SEMA3E: variants seen among roughly 807,000 people sequenced by gnomAD.
SEMA3E encodes the protein semaphorin-3E.
A neutral mutation model predicts 93.6 loss-of-function variants in SEMA3E; 49 were observed. The observed-to-expected ratio is 0.52, with a 90% CI of 0.42 to 0.66. SEMA3E has a LOEUF of 0.66. Among genes scored for constraint, SEMA3E ranks in the 30% least tolerant of loss-of-function variants. The pLI is 0.00. For synonymous variants in SEMA3E, 363 were observed against 330.7 expected (o/e 1.10, Z -1.06); for missense variants, 906 against 964.8 (o/e 0.94, Z 0.81).
At chr7:83,607,734 A>G (rs1793157963) in intron 1 of SEMA3E, among the ~76,000 whole-genome samples, 1 of 152,184 alleles carries the variant, frequency 6.6e-6, no homozygotes, top group Non-Finnish European at 1.5e-5. Context: ...AAGGAAGACA[A>G]AAGAATGAAT....
intron 5 of SEMA3E, among the ~76,000 whole-genome samples, chr7:83,412,872 T>C (rs1028269352): frequency 6.6e-5 from 10 of 151,932 alleles, no homozygotes; most frequent in Non-Finnish European, 1.2e-4. Context: ...GGATAACAAA[T>C]TTGAATTTTT....
At chr7:83,625,396 T>G (rs1246261278) in intron 1 of SEMA3E, among the ~76,000 whole-genome samples, 2 of 152,168 alleles carry the variant, frequency 1.3e-5, no homozygotes, top group Non-Finnish European at 1.5e-5. Flanking sequence ...CTCTCTTATT[T>G]CCTTGAGCAG....
Position 83,364,096 on chromosome 7 carries a change from T to A in SEMA3E, c.*3490A>T, listed in dbSNP as rs536059200. Reference sequence around the variant, plus strand: ...TTTTTAGTAGAGACGGGGTTTCACCTTGTTAGCCAGGATGGTCTCGATCTC... The same window carrying A: ...TTTTTAGTAGAGACGGGGTTTCACCATGTTAGCCAGGATGGTCTCGATCTC... On this transcript the variant is annotated 3_prime_UTR_variant, in exon 17 of 17. Coordinates refer to ENST00000643230, the MANE Select transcript of SEMA3E (RefSeq NM_012431.3). The A allele has an allele frequency of 6.6e-6, 1 of 150,416 alleles. No individual in the cohort carries two copies. Among genetic ancestry groups the A allele is most frequent in the Non-Finnish European group, 1.5e-5 (1 of 67,580 alleles). 9.3% of individuals were successfully genotyped at this position (150,416 alleles called of 1,614,324 possible). A position where few individuals can be genotyped will look rare whatever the true frequency, so the allele number is the denominator to read the frequency against.
chr7:83,512,245 G>T (rs1790840060), intron 1 of SEMA3E, among the ~76,000 whole-genome samples: 1 of 152,074 alleles, frequency 6.6e-6, no homozygotes, highest in African/African-American at 2.4e-5. Context: ...GTACCCCCTT[G>T]AAATTTTATG....
intron 1 of SEMA3E, among the ~76,000 whole-genome samples, chr7:83,558,792 T>C (rs1161443694): frequency 1.3e-5 from 2 of 152,188 alleles, no homozygotes; most frequent in South Asian, 2.1e-4. Flanking sequence ...GAATAACTAA[T>C]AGTGTGTCAT....
chr7:83,394,056 G>C (rs573358221), intron 13 of SEMA3E, among the ~76,000 whole-genome samples: 1 of 151,990 alleles, frequency 6.6e-6, no homozygotes, highest in Admixed American at 6.6e-5. Context: ...AAGGTTTAGA[G>C]GTCTGCAGTA....
intron 1 of SEMA3E, among the ~76,000 whole-genome samples, chr7:83,599,477 A>T (rs10246409): frequency 2.6e-5 from 4 of 152,138 alleles, no homozygotes; most frequent in African/African-American, 9.7e-5. Flanking sequence ...TTTTGCTCCA[A>T]AGTTGACTTG....
intron 1 of SEMA3E, among the ~76,000 whole-genome samples, chr7:83,506,787 G>A (rs1393950248): frequency 4.6e-5 from 7 of 152,128 alleles, no homozygotes; most frequent in Non-Finnish European, 1.5e-5. Flanking sequence ...CTGAGAACAA[G>A]AGAATGGATG....
chr7:83,488,589 A>C (rs73174562), intron 2 of SEMA3E, among the ~76,000 whole-genome samples: 4,397 of 152,252 alleles, frequency 0.029, 91 homozygotes, highest in African/African-American at 0.06. Flanking sequence ...AGTTGGAATA[A>C]TACAATTTTC....
At chr7:83,483,072 TG>T (rs1790181754) in intron 2 of SEMA3E, among the ~76,000 whole-genome samples, 1 of 151,122 alleles carries the variant, frequency 6.6e-6, no homozygotes, top group African/African-American at 2.4e-5. Flanking sequence ...AGGAGTTAAC[TG>T]GGGCCTGAAA....
intron 4 of SEMA3E, among the ~76,000 whole-genome samples, chr7:83,456,011 CTG>C (rs578171693): frequency 2.0e-5 from 3 of 152,218 alleles, no homozygotes; most frequent in Non-Finnish European, 4.4e-5. Flanking sequence ...CCCACAGAAA[CTG>C]TGAGATAATA....
At chr7:83,523,030 C>A (rs970778844) in intron 1 of SEMA3E, among the ~76,000 whole-genome samples, 1 of 152,026 alleles carries the variant, frequency 6.6e-6, no homozygotes, top group African/African-American at 2.4e-5. Context: ...ACAGCACAGG[C>A]TAATGGCAAC....
chr7:83,392,773 A>G (rs1788043833), intron 13 of SEMA3E, 52 bp from the exon 14 acceptor site: 2 of 1,516,592 alleles, frequency 1.3e-6, no homozygotes, highest in African/African-American at 2.7e-5. Flanking sequence ...ACTTTCACTG[A>G]GCTATTACAC....
At chr7:83,518,976 T>G (rs538859075) in intron 1 of SEMA3E, among the ~76,000 whole-genome samples, 138 of 152,188 alleles carry the variant, frequency 9.1e-4, no homozygotes, top group African/African-American at 3.2e-3. Flanking sequence ...TCTTTTTATT[T>G]TATTATTATT....
intron 16 of SEMA3E, among the ~76,000 whole-genome samples, chr7:83,383,051 G>T (rs1376988530): frequency 6.6e-6 from 1 of 151,844 alleles, no homozygotes; most frequent in Admixed American, 6.6e-5. Flanking sequence ...TTAAATAAAA[G>T]GAAGATGTAT....
intron 1 of SEMA3E, among the ~76,000 whole-genome samples, chr7:83,638,770 T>C (rs1336433805): frequency 6.6e-6 from 1 of 152,044 alleles, no homozygotes; most frequent in African/African-American, 2.4e-5. Context: ...AGCCCAGTGT[T>C]TCTCATAGCT....
intron 2 of SEMA3E, among the ~76,000 whole-genome samples, chr7:83,481,008 G>A (rs1383355677): frequency 1.3e-5 from 2 of 152,074 alleles, no homozygotes. Flanking sequence ...AATAGTAAGT[G>A]AAAGAAAACT....
chr7:83,595,369 A>T (rs950894780), intron 1 of SEMA3E, among the ~76,000 whole-genome samples: 4 of 152,096 alleles, frequency 2.6e-5, no homozygotes, highest in Non-Finnish European at 5.9e-5. Flanking sequence ...AGATTTGCAG[A>T]AACAGTACAG....
intron 1 of SEMA3E, among the ~76,000 whole-genome samples, chr7:83,535,563 A>C (rs1259634362): frequency 1.3e-5 from 2 of 152,170 alleles, no homozygotes; most frequent in Non-Finnish European, 2.9e-5. Flanking sequence ...ACAGCATTAA[A>C]GAACCTATCA....
Sources: allele counts gnomAD v4.1 joint callset (sites outside exome capture counted in the v4.1 genomes callset), GRCh38; gene constraint gnomAD v4.1.1; transcripts MANE v1.5; gene names NCBI Gene and HGNC (gene_info 2026-07-23, HGNC 2026-07-21).